Variants in H1-0 observed in about 807,000 individuals in gnomAD.
The protein encoded by H1-0 is H1.0 linker histone.
A neutral mutation model predicts 8.8 loss-of-function variants in H1-0; 5 were observed. The observed-to-expected ratio is 0.57, with a 90% CI of 0.30 to 1.19. H1-0 has a LOEUF of 1.19. Among genes scored for constraint, H1-0 ranks in the 50% most tolerant of loss-of-function variants. The pLI is 0.08. For synonymous variants in H1-0, 143 were observed against 101.4 expected, an observed-to-expected ratio of 1.41 and a Z score of -2.46; for missense variants, 231 against 242.0, an observed-to-expected ratio of 0.95 and a Z score of 0.30.
In H1-0 at chr22:37,807,331, T is replaced by TCCCCCCCCCC. The variant is rs56665907; in HGVS notation, c.*1211_*1212insCCCCCCCCCC. 3 of 151,428 alleles carry TCCCCCCCCCC rather than the reference T, an allele frequency of 2.0e-5. No homozygotes were observed. The highest frequency in any genetic ancestry group is 3.1e-5 in the Non-Finnish European group (2 of 64,404). The allele number at this position is 151,428 out of a possible 1,614,324, so 9.4% of individuals were successfully genotyped here. A position where few individuals can be genotyped will look rare whatever the true frequency, so the allele number is the denominator to read the frequency against. ...AATAGAAAAATCGCGCACTTGCGCG[T>TCCCCCCCCCC]CCCCCCCCCACCCCCTTTTTTAAAC... On this transcript the variant is annotated 3_prime_UTR_variant, in exon 1 of 1. Transcript: ENST00000340857.
rs1430120323 is a variant in H1-0 at position 37,805,582 on chromosome 22, C to T, written c.38C>T (p.Pro13Leu). ...ENSTSAPAAKPKRAKASKKST... is the reference protein window; with the variant it reads ...ENSTSAPAAKLKRAKASKKST... ...TCCACGTCCGCCCCTGCGGCCAAGCCCAAGCGGGCCAAGGCCTCCAAGAAG... is the reference window on the plus strand; with the variant it reads ...TCCACGTCCGCCCCTGCGGCCAAGCTCAAGCGGGCCAAGGCCTCCAAGAAG... Residue 13 changes from proline (P) to leucine (L), a missense_variant, in exon 1 of 1, where the codon CCC (proline) becomes CTC (leucine). Coordinates refer to ENST00000340857, the MANE Select transcript of H1-0 (RefSeq NM_005318.4). The T allele has an allele frequency of 3.7e-6, 6 of 1,613,684 alleles. No homozygotes were observed. In the South Asian group the frequency reaches 4.4e-5, roughly 12 times the overall value.
In H1-0 at chr22:37,806,170, A is replaced by G. The variant is rs374321557; in HGVS notation, c.*41A>G. On this transcript the variant is annotated 3_prime_UTR_variant, in exon 1 of 1. Transcript: ENST00000340857. Reference sequence around the variant, plus strand: ...TTGCGGACACTCCCTCCTGTCTCCTATTTTCTGTAAATAATTTTCTCCTTT... The same window carrying G: ...TTGCGGACACTCCCTCCTGTCTCCTGTTTTCTGTAAATAATTTTCTCCTTT... The G allele has an allele frequency of 1.2e-4, 173 of 1,457,264 alleles. No individual in the cohort carries two copies. The highest frequency in any genetic ancestry group is 1.8e-4 in the Middle Eastern group (1 of 5,698). The allele number at this position is 1,457,264 out of a possible 1,614,324, so 90.3% of individuals were successfully genotyped here.
chr22:37,806,505 G>A lies in H1-0; in HGVS notation c.*376G>A, dbSNP rs529721010. 53 of 230,110 alleles carry A rather than the reference G, an allele frequency of 2.3e-4. No homozygotes were observed. Among genetic ancestry groups the A allele is most frequent in the African/African-American group, 1.2e-3 (50 of 42,758 alleles). The allele number at this position is 230,110 out of a possible 1,614,324, so 14.3% of individuals were successfully genotyped here. The stretch of plus-strand genomic sequence containing the variant: ...CTAGATGAGAGGGAACCCAGGAATT[G>A]TGAGGTTAGCAGGAATATCTTTAGG... On this transcript the variant is annotated 3_prime_UTR_variant, in exon 1 of 1. Coordinates refer to ENST00000340857, the MANE Select transcript of H1-0 (RefSeq NM_005318.4).
Position 37,805,867 on chromosome 22 carries a change from A to G in H1-0, c.323A>G (p.Lys108Arg). Residue 108 changes from lysine (K) to arginine (R), a missense_variant, in exon 1 of 1, where the codon AAG becomes AGG. Coordinates refer to ENST00000340857, the MANE Select transcript of H1-0 (RefSeq NM_005318.4). The part of the protein sequence containing the change: ...SDEPKKSVAF[K>R]KTKKEIKKVA... ...GAACCCAAGAAGTCAGTGGCCTTCA[A>G]GAAGACCAAGAAGGAAATCAAGAAG... 6.2e-7 allele frequency: 1 copy of G among 1,613,942 alleles called. No homozygotes were observed. Among genetic ancestry groups the G allele is most frequent in the Non-Finnish European group, 8.5e-7 (1 of 1,179,966 alleles).
In H1-0 at chr22:37,806,319, A is replaced by C. The variant is rs188218991; in HGVS notation, c.*190A>C. 1 of 606,572 alleles carries C rather than the reference A, an allele frequency of 1.6e-6. No homozygotes were observed. The highest frequency in any genetic ancestry group is 1.9e-5 in the African/African-American group (1 of 53,772). 37.6% of individuals were successfully genotyped at this position (606,572 alleles called of 1,614,324 possible). On this transcript the variant is annotated 3_prime_UTR_variant, in exon 1 of 1. Coordinates refer to ENST00000340857, the MANE Select transcript of H1-0 (RefSeq NM_005318.4). Reference sequence around the variant, plus strand: ...TTTCCTTAACCAGTTGTGCAAGGACAGCAACAACCAATCTAATGATGAGAA... The same window carrying C: ...TTTCCTTAACCAGTTGTGCAAGGACCGCAACAACCAATCTAATGATGAGAA...
rs1276640736 is a variant in H1-0 at position 37,806,009 on chromosome 22, G to A, written c.465G>A (p.Lys155=). The A allele has an allele frequency of 6.2e-7, 1 of 1,614,064 alleles. No homozygotes were observed. Among genetic ancestry groups the A allele is most frequent in the Non-Finnish European group, 8.5e-7 (1 of 1,180,020 alleles). Residue 155 remains lysine, a synonymous_variant, in exon 1 of 1, where the codon AAG becomes AAA. Coordinates refer to ENST00000340857, the MANE Select transcript of H1-0 (RefSeq NM_005318.4). ...AGAAGAAGCTGGCTGCCACGCCCAA[G>A]AAAGCCAAAAAACCCAAGACTGTCA... is the stretch of plus-strand genomic sequence containing the variant. ...KAKKKLAATP[K]KAKKPKTVKA... is the part of the protein sequence containing the mutation.
rs138891617 is a variant in H1-0 at position 37,805,923 on chromosome 22, A to G, written c.379A>G (p.Lys127Glu). The G allele has an allele frequency of 1.8e-5, 29 of 1,614,020 alleles. No individual in the cohort carries two copies. Among genetic ancestry groups the G allele is most frequent in the Non-Finnish European group, 2.4e-5 (28 of 1,180,044 alleles). The change falls in exon 1 of 1, where the codon AAG becomes GAG. Residue 127 changes from lysine (K) to glutamate (E), a missense_variant. Physicochemically the swap from Lys to Glu is moderately conservative, Grantham distance 56. Coordinates refer to ENST00000340857, the MANE Select transcript of H1-0 (RefSeq NM_005318.4). Reference protein sequence around the residue: ...VATPKKASKPKKAASKAPTKK... With the variant: ...VATPKKASKPEKAASKAPTKK... ...CACGCCAAAGAAGGCATCCAAGCCCAAGAAGGCTGCCTCCAAAGCCCCAAC... is the reference window on the plus strand; with the variant it reads ...CACGCCAAAGAAGGCATCCAAGCCCGAGAAGGCTGCCTCCAAAGCCCCAAC...
In H1-0 at chr22:37,805,765, G is replaced by A; in HGVS notation, c.221G>A (p.Arg74His). ...TCGCAGATCAAGTTGTCCATCAAGC[G>A]CCTGGTCACCACCGGTGTCCTCAAG... is the stretch of plus-strand genomic sequence containing the variant. ...ADSQIKLSIK[R>H]LVTTGVLKQT... Residue 74 changes from arginine to histidine, a missense_variant, in exon 1 of 1, where the codon CGC becomes CAC. Transcript: ENST00000340857. The A allele has an allele frequency of 6.2e-7, 1 of 1,613,972 alleles. No individual in the cohort carries two copies. Among genetic ancestry groups the A allele is most frequent in the South Asian group, 1.1e-5 (1 of 91,076 alleles).
At position 37,807,078 on chromosome 22, in the gene H1-0, C is replaced by CT; in HGVS notation, c.*952dup. The stretch of plus-strand genomic sequence containing the variant: ...AAACCTCCCGATCTCTTTTTGAGTC[C>CT]TTTATTATAAGTAGTTGTAGCTGCG... On this transcript the variant is annotated 3_prime_UTR_variant, in exon 1 of 1. Coordinates refer to ENST00000340857, the MANE Select transcript of H1-0 (RefSeq NM_005318.4). The CT allele has an allele frequency of 6.1e-6, 1 of 164,940 alleles. No individual in the cohort carries two copies. Among genetic ancestry groups the CT allele is most frequent in the South Asian group, 2.1e-4 (1 of 4,752 alleles). 10.2% of individuals were successfully genotyped at this position (164,940 alleles called of 1,614,324 possible).
In H1-0 at chr22:37,806,975, C is replaced by G. The variant is rs1243662357; in HGVS notation, c.*846C>G. 6 of 167,044 alleles carry G rather than the reference C, an allele frequency of 3.6e-5. No homozygotes were observed. The Admixed American group carries it at 3.9e-4, about 11-fold the overall frequency. The allele number at this position is 167,044 out of a possible 1,614,324, so 10.3% of individuals were successfully genotyped here. On this transcript the variant is annotated 3_prime_UTR_variant, in exon 1 of 1. Coordinates refer to ENST00000340857, the MANE Select transcript of H1-0 (RefSeq NM_005318.4). ...ATCGATGGATTGTGTCCTAGGAAGA[C>G]TTTTCTTTTCCTCTGGATTTTTGTT...
Position 37,805,966 on chromosome 22 carries a change from C to T in H1-0, c.422C>T (p.Thr141Ile), listed in dbSNP as rs955524388. Reference protein sequence around the residue: ...SKAPTKKPKATPVKKAKKKLA... With the variant: ...SKAPTKKPKAIPVKKAKKKLA... ...GCCCCAACCAAGAAACCCAAAGCCA[C>T]CCCGGTCAAGAAGGCCAAGAAGAAG... The change falls in exon 1 of 1, where the codon ACC becomes ATC. Residue 141 changes from threonine to isoleucine, a missense_variant. Transcript: ENST00000340857. 2 of 1,614,044 alleles carry T rather than the reference C, an allele frequency of 1.2e-6. No individual in the cohort carries two copies. The highest frequency in any genetic ancestry group is 2.2e-5 in the East Asian group (1 of 44,882).
rs527922421 is a variant in H1-0 at position 37,805,746 on chromosome 22, A to G, written c.202A>G (p.Ile68Val). The G allele has an allele frequency of 6.2e-7, 1 of 1,614,118 alleles. No individual in the cohort carries two copies. Among genetic ancestry groups the G allele is most frequent in the East Asian group, 2.2e-5 (1 of 44,888 alleles). ...GGTGGGTGAGAACGCTGACTCGCAG[A>G]TCAAGTTGTCCATCAAGCGCCTGGT... ...YKVGENADSQ[I>V]KLSIKRLVTT... Residue 68 changes from isoleucine to valine, a missense_variant, in exon 1 of 1, where the codon ATC (isoleucine) becomes GTC (valine). Coordinates refer to ENST00000340857, the MANE Select transcript of H1-0 (RefSeq NM_005318.4).
Position 37,805,277 on chromosome 22 carries a change from G to A in H1-0, c.-268G>A. On this transcript the variant is annotated 5_prime_UTR_variant, in exon 1 of 1. Transcript: ENST00000340857. Reference sequence around the variant, plus strand: ...GGCAGAGGAGGCGGAGGCAGAGGCAGAGGCAGAGGCAGAGCCCGAGCCCGG... The same window carrying A: ...GGCAGAGGAGGCGGAGGCAGAGGCAAAGGCAGAGGCAGAGCCCGAGCCCGG... The A allele has an allele frequency of 6.0e-6, 2 of 332,938 alleles. No individual in the cohort carries two copies. Among genetic ancestry groups the A allele is most frequent in the South Asian group, 6.6e-5 (2 of 30,390 alleles). 20.6% of individuals were successfully genotyped at this position (332,938 alleles called of 1,614,324 possible).
rs56665907 is a variant in H1-0, at chr22:37,807,331, TC to T, written c.*1211del. ...AATAGAAAAATCGCGCACTTGCGCG[TC>T]CCCCCCCCACCCCCTTTTTTAAACA... On this transcript the variant is annotated 3_prime_UTR_variant, in exon 1 of 1. Transcript: ENST00000340857. 3.3e-3 allele frequency: 503 copies of T among 153,616 alleles called. 6 individuals are homozygous for T. The highest frequency in any genetic ancestry group is 9.3e-3 in the African/African-American group (359 of 38,702). 9.5% of individuals were successfully genotyped at this position (153,616 alleles called of 1,614,324 possible). A position where few individuals can be genotyped will look rare whatever the true frequency, so the allele number is the denominator to read the frequency against.
Position 37,805,551 on chromosome 22 carries a change from G to A in H1-0, c.7G>A (p.Glu3Lys). ...CCGGACCAGACAGGCCACCATGACCGAGAATTCCACGTCCGCCCCTGCGGC... is the reference window on the plus strand; with the variant it reads ...CCGGACCAGACAGGCCACCATGACCAAGAATTCCACGTCCGCCCCTGCGGC... MT[E>K]NSTSAPAAKP... The change falls in exon 1 of 1, where the codon GAG (glutamate) becomes AAG (lysine). Residue 3 changes from glutamate (E) to lysine (K), a missense_variant. Transcript: ENST00000340857. 1 of 1,610,878 alleles carries A rather than the reference G, an allele frequency of 6.2e-7. No homozygotes were observed. The highest frequency in any genetic ancestry group is 8.5e-7 in the Non-Finnish European group (1 of 1,178,014).
At position 37,807,340 on chromosome 22, in the gene H1-0, C is replaced by CCCCCA. The variant is rs1555905366; in HGVS notation, c.*1211_*1212insCCCCA. 10 of 158,808 alleles carry CCCCCA rather than the reference C, an allele frequency of 6.3e-5. No individual in the cohort carries two copies. The highest frequency in any genetic ancestry group is 2.5e-4 in the African/African-American group (10 of 39,820). 9.8% of individuals were successfully genotyped at this position (158,808 alleles called of 1,614,324 possible). On this transcript the variant is annotated 3_prime_UTR_variant, in exon 1 of 1. Transcript: ENST00000340857. Reference sequence around the variant, plus strand: ...ATCGCGCACTTGCGCGTCCCCCCCCCACCCCCTTTTTTAAACAAGTGTTAC... The same window carrying CCCCCA: ...ATCGCGCACTTGCGCGTCCCCCCCCCCCCCAACCCCCTTTTTTAAACAAGTGTTAC...
Position 37,805,349 on chromosome 22 carries a change from G to T in H1-0, c.-196G>T. On this transcript the variant is annotated 5_prime_UTR_variant, in exon 1 of 1. Transcript: ENST00000340857. ...CGGCGGGGCTGGGCCTCGCAAAGCC[G>T]GCTCGGCGAGCTCTCCCGACACCCG... 1.9e-6 allele frequency: 1 copy of T among 537,798 alleles called. No homozygotes were observed. The highest frequency in any genetic ancestry group is 3.3e-6 in the Non-Finnish European group (1 of 305,030). The allele number at this position is 537,798 out of a possible 1,614,324, so 33.3% of individuals were successfully genotyped here.
Position 37,806,880 on chromosome 22 carries a change from T to C in H1-0, c.*751T>C, listed in dbSNP as rs1473261350. ...TCTCTTGTTAAACCGGAGTGAAAACTTCAGGGGAAGGGTGGGGAGTCAGCC... is the reference window on the plus strand; with the variant it reads ...TCTCTTGTTAAACCGGAGTGAAAACCTCAGGGGAAGGGTGGGGAGTCAGCC... On this transcript the variant is annotated 3_prime_UTR_variant, in exon 1 of 1. Transcript: ENST00000340857. The C allele has an allele frequency of 6.0e-6, 1 of 167,086 alleles. No homozygotes were observed. Among genetic ancestry groups the C allele is most frequent in the Non-Finnish European group, 1.5e-5 (1 of 68,120 alleles). The allele number at this position is 167,086 out of a possible 1,614,324, so 10.4% of individuals were successfully genotyped here. A position where few individuals can be genotyped will look rare whatever the true frequency, so the allele number is the denominator to read the frequency against.
Position 37,806,272 on chromosome 22 carries a change from A to C in H1-0, c.*143A>C, listed in dbSNP as rs556109728. On this transcript the variant is annotated 3_prime_UTR_variant, in exon 1 of 1. Coordinates refer to ENST00000340857, the MANE Select transcript of H1-0 (RefSeq NM_005318.4). ...ATAAGAGACAGGATTTGGATTCTTC[A>C]GAAATTACAGAATAATTCATTTTTC... is the stretch of plus-strand genomic sequence containing the variant. 6.1e-6 allele frequency: 4 copies of C among 657,994 alleles called. No homozygotes were observed. The highest frequency in any genetic ancestry group is 5.5e-5 in the East Asian group (2 of 36,464). 40.8% of individuals were successfully genotyped at this position (657,994 alleles called of 1,614,324 possible).
Sources: allele counts gnomAD v4.1 joint callset, GRCh38; gene constraint gnomAD v4.1.1; transcripts MANE v1.5; gene names NCBI Gene and HGNC (gene_info 2026-07-23, HGNC 2026-07-21).